SPEG: variants seen among roughly 807,000 people sequenced by gnomAD.
The protein encoded by SPEG is striated muscle preferentially expressed protein kinase.
In SPEG, 114 loss-of-function variants were observed where a neutral mutation model predicts 300.4. The ratio of observed to expected loss-of-function variants is 0.38; its 90% confidence interval spans 0.33 to 0.44. The LOEUF is 0.44. Among genes scored for constraint, SPEG ranks in the 20% least tolerant of loss-of-function variants. The pLI, the probability that SPEG is intolerant of heterozygous loss-of-function variation, is 1.00. For synonymous variants in SPEG, 1,964 were observed against 2,018.9 expected (o/e 0.97, Z 0.73); for missense variants, 4,201 against 4,586.2 (o/e 0.92, Z 2.43).
intron 4 of SPEG, among the ~76,000 whole-genome samples, chr2:219,450,239 C>T (rs1311939770): frequency 1.3e-5 from 2 of 152,228 alleles, no homozygotes; most frequent in African/African-American, 4.8e-5. Flanking sequence ...ATTGTGTTAA[C>T]TAGGCCCTTA....
rs772126870 is a variant in SPEG, at chr2:219,468,527, G to C, written c.3143-51G>C. On this transcript the variant is annotated intron_variant, in intron 10 of 40. Transcript: ENST00000312358. ...TAGGTCAGGAGTGGTGGGTTGGGAT[G>C]CCTGGGCCTCCTTAGCCTTCCCTAT... 2.5e-6 allele frequency: 4 copies of C among 1,585,612 alleles called. No homozygotes were observed. The Admixed American group carries it at 6.8e-5, about 27-fold the overall frequency.
Position 219,484,391 on chromosome 2 carries a change from C to T in SPEG, c.6928C>T (p.Pro2310Ser). ...GGTGCTAGCCGAGAAAGCCCGAGTTCCCACGGTGCCCCCCAGGCCAGGCAG... is the reference window on the plus strand; with the variant it reads ...GGTGCTAGCCGAGAAAGCCCGAGTTTCCACGGTGCCCCCCAGGCCAGGCAG... ...PPVLAEKARV[P>S]TVPPRPGSSL... Residue 2310 changes from proline (P) to serine (S), a missense_variant, in exon 30 of 41, where the codon CCC (proline) becomes TCC (serine). Around this residue, in one of 4 missense-constraint regions of SPEG, gnomAD observed 1,578 missense variants for 1,506.0 expected, o/e 1.05. Transcript: ENST00000312358. 6.2e-7 allele frequency: 1 copy of T among 1,609,938 alleles called. No individual in the cohort carries two copies. Among genetic ancestry groups the T allele is most frequent in the Non-Finnish European group, 8.5e-7 (1 of 1,179,730 alleles).
chr2:219,457,549 T>C (rs1166799981), intron 6 of SPEG, among the ~76,000 whole-genome samples: 1 of 152,208 alleles, frequency 6.6e-6, no homozygotes, highest in Non-Finnish European at 1.5e-5. Context: ...ACACCAGTGC[T>C]TTCCAGCCTG....
rs769946258 is a variant in SPEG, at chr2:219,489,510, C to T, written c.8492C>T (p.Ala2831Val). ...PSSPPTPPSQ[A>V]LSSLKAVGPP... ...TCTCCCCCCACACCTCCTAGCCAGGCCTTGTCCTCGCTCAAGGCTGTGGGT... is the reference window on the plus strand; with the variant it reads ...TCTCCCCCCACACCTCCTAGCCAGGTCTTGTCCTCGCTCAAGGCTGTGGGT... Residue 2831 changes from alanine to valine, a missense_variant, in exon 36 of 41, where the codon GCC becomes GTC. Transcript: ENST00000312358. 1.9e-6 allele frequency: 3 copies of T among 1,612,342 alleles called. No individual in the cohort carries two copies. In the South Asian group the frequency reaches 3.3e-5, roughly 18 times the overall value.
In SPEG at chr2:219,477,227, AG is replaced by A; in HGVS notation, c.4561-48del. The A allele has an allele frequency of 1.8e-6, 1 of 559,564 alleles. No homozygotes were observed. 34.7% of individuals were successfully genotyped at this position (559,564 alleles called of 1,614,324 possible). A position where few individuals can be genotyped will look rare whatever the true frequency, so the allele number is the denominator to read the frequency against. On this transcript the variant is annotated intron_variant, in intron 19 of 40. Coordinates refer to ENST00000312358, the MANE Select transcript of SPEG (RefSeq NM_005876.5). The surrounding 1 kb of genome is among the most constrained non-coding windows in gnomAD (Gnocchi z 6.4). Reference sequence around the variant, plus strand: ...AGTAGGAGATGAGGCCCTGGCCCCAAGGTAGAGATGAGGCCAGGCCCAGGCT... The same window carrying A: ...AGTAGGAGATGAGGCCCTGGCCCCAAGTAGAGATGAGGCCAGGCCCAGGCT...
Position 219,480,069 on chromosome 2 carries a change from G to T in SPEG, c.5271G>T (p.Gln1757His). Residue 1757 changes from glutamine to histidine, a missense_variant, in exon 25 of 41, where the codon CAG becomes CAT. Transcript: ENST00000312358. The surrounding 1 kb of genome is among the most constrained non-coding windows in gnomAD (Gnocchi z 5.3). ...ELTPGEPQYC[Q>H]YGTPEFVAPE... ...CTCCAGGAGAGCCCCAGTACTGCCA[G>T]TATGGCACACCTGAGTTTGTAGCAC... 3 of 1,614,032 alleles carry T rather than the reference G, an allele frequency of 1.9e-6. No homozygotes were observed. The highest frequency in any genetic ancestry group is 2.5e-6 in the Non-Finnish European group (3 of 1,180,008).
Position 219,483,612 on chromosome 2 carries a change from C to T in SPEG, c.6149C>T (p.Ala2050Val), listed in dbSNP as rs755834473. The change falls in exon 30 of 41, where the codon GCC becomes GTC. Residue 2050 changes from alanine to valine, a missense_variant. Physicochemically the swap from Ala to Val is moderately conservative, Grantham distance 64. Coordinates refer to ENST00000312358, the MANE Select transcript of SPEG (RefSeq NM_005876.5). ...CAGCGCCGGAGCCCCAGCCCGGGAG[C>T]CACCCGCCTGGCCCGGGGAGGCCTG... ...LPQRRSPSPG[A>V]TRLARGGLGE... 1.0e-5 allele frequency: 15 copies of T among 1,504,212 alleles called. No homozygotes were observed. The highest frequency in any genetic ancestry group is 1.3e-5 in the Non-Finnish European group (15 of 1,135,052). 93.2% of individuals were successfully genotyped at this position (1,504,212 alleles called of 1,614,324 possible).
intron 13 of SPEG, among the ~76,000 whole-genome samples, chr2:219,470,308 T>C (rs1452377170): frequency 1.5e-5 from 2 of 136,714 alleles, no homozygotes; most frequent in African/African-American, 7.2e-5. Context: ...GGTGCCCAGC[T>C]CTTAACCAGG....
At chr2:219,465,994 C>T (rs1056929809) in intron 9 of SPEG, 91 of 1,412,116 alleles carry the variant, frequency 6.4e-5, no homozygotes, top group Non-Finnish European at 8.0e-5. Context: ...TGTGTGTGCG[C>T]GTGCGTGCGC....
At chr2:219,442,980 C>G (rs1689036862) in intron 1 of SPEG, 2 of 758,410 alleles carry the variant, frequency 2.6e-6, no homozygotes, top group African/African-American at 1.7e-5. Flanking sequence ...CTCTGCCCAC[C>G]TCCCCTCTCA....
At chr2:219,442,104 C>A in intron 1 of SPEG, 1 of 1,188,206 alleles carries the variant, frequency 8.4e-7, no homozygotes, top group Non-Finnish European at 1.1e-6. Flanking sequence ...CGGGGGCGGG[C>A]GGCGCCGGGA....
In SPEG at chr2:219,449,069, C is replaced by T; in HGVS notation, c.1911C>T (p.Ala637=). Residue 637 remains alanine (A), a synonymous_variant, in exon 4 of 41, where the codon GCC becomes GCT. Coordinates refer to ENST00000312358, the MANE Select transcript of SPEG (RefSeq NM_005876.5). ...GGAAGCGGGAGCCCCCGGCGCAGGC[C>T]GTGCGCTTCCTGCCCTGGGCCACGC... The part of the protein sequence containing the change: ...PGRKREPPAQ[A]VRFLPWATPG... 6.6e-7 allele frequency: 1 copy of T among 1,517,630 alleles called. No individual in the cohort carries two copies. Among genetic ancestry groups the T allele is most frequent in the Non-Finnish European group, 8.8e-7 (1 of 1,132,488 alleles). The allele number at this position is 1,517,630 out of a possible 1,614,324, so 94.0% of individuals were successfully genotyped here. A position where few individuals can be genotyped will look rare whatever the true frequency, so the allele number is the denominator to read the frequency against.
At position 219,448,949 on chromosome 2, in the gene SPEG, G is replaced by A. The variant is rs1393345990; in HGVS notation, c.1791G>A (p.Pro597=). 1.7e-5 allele frequency: 25 copies of A among 1,503,460 alleles called. 1 individual carries two copies. The South Asian group carries it at 2.8e-4, about 17-fold the overall frequency. The allele number at this position is 1,503,460 out of a possible 1,614,324, so 93.1% of individuals were successfully genotyped here. The change falls in exon 4 of 41, where the codon CCG becomes CCA. Residue 597 remains proline (P), a synonymous_variant. Coordinates refer to ENST00000312358, the MANE Select transcript of SPEG (RefSeq NM_005876.5). The part of the protein sequence containing the change: ...QQEVRRRDQF[P]LTRSRAIQEC... ...AGGTTAGGCGTCGGGACCAATTCCC[G>A]CTGACCCGGAGCAGAGCCATCCAGG...
chr2:219,449,766 G>T (rs1475880400), intron 4 of SPEG, among the ~76,000 whole-genome samples: 1 of 152,102 alleles, frequency 6.6e-6, no homozygotes, highest in Non-Finnish European at 1.5e-5. Flanking sequence ...CTCCCACCCG[G>T]GCACCATCCC....
At position 219,467,176 on chromosome 2, in the gene SPEG, C is replaced by T; in HGVS notation, c.2884C>T (p.His962Tyr). Residue 962 changes from histidine to tyrosine, a missense_variant and splice_region_variant, in exon 10 of 41, where the codon CAC becomes TAC. This residue lies in a region of SPEG where 1,047 missense variants were observed against 1,356.8 expected (regional missense o/e 0.77). Transcript: ENST00000312358. ...CCCCGTGGCTGCTTTCCCCTCAGCA[C>T]ACCCTGAAAGCCGGTCCCTGGCCGT... Reference protein sequence around the residue: ...QCEARLEVRAHPESRSLAVLA... With the variant: ...QCEARLEVRAYPESRSLAVLA... The T allele has an allele frequency of 3.2e-6, 5 of 1,573,140 alleles. No homozygotes were observed. Among genetic ancestry groups the T allele is most frequent in the Non-Finnish European group, 4.3e-6 (5 of 1,160,992 alleles).
chr2:219,448,779 AC>A lies in SPEG; in HGVS notation c.1626del (p.Lys543ArgfsTer6). 7.1e-7 allele frequency: 1 copy of A among 1,417,820 alleles called. No homozygotes were observed. The highest frequency in any genetic ancestry group is 1.5e-5 in the African/African-American group (1 of 65,998). 87.8% of individuals were successfully genotyped at this position (1,417,820 alleles called of 1,614,324 possible). ...GCCCCCGCTCTTCTCTCGGCCCTCC[AC>A]CCCCAAGACATCGCGGGCCGTGAGC... The part of the protein sequence containing the change: ...GEPPLFSRPS[T>X]PKTSRAVSPA... On this transcript the variant is annotated frameshift_variant, in exon 4 of 41. Coordinates refer to ENST00000312358, the MANE Select transcript of SPEG (RefSeq NM_005876.5). LOFTEE classifies it high-confidence loss of function.
intron 9 of SPEG, chr2:219,465,439 C>T: frequency 6.4e-6 from 1 of 155,858 alleles, no homozygotes; most frequent in Non-Finnish European, 1.4e-5. Flanking sequence ...CTCCTCTGTG[C>T]CTGCCGTTCC....
Position 219,444,997 on chromosome 2 carries a change from A to G in SPEG, c.651A>G (p.Ala217=). The G allele has an allele frequency of 6.2e-7, 1 of 1,611,182 alleles. No individual in the cohort carries two copies. The highest frequency in any genetic ancestry group is 8.5e-7 in the Non-Finnish European group (1 of 1,179,002). ...CGGGCAGCCCAAGGCAAGCACAGGC[A>G]ACCGGGGCCGGGCCACGGCACCTGG... ...RLPGSPRQAQ[A]TGAGPRHLGV... The change falls in exon 3 of 41, where the codon GCA becomes GCG. Residue 217 remains alanine (A), a synonymous_variant. Coordinates refer to ENST00000312358, the MANE Select transcript of SPEG (RefSeq NM_005876.5). The surrounding 1 kb of genome is among the most constrained non-coding windows in gnomAD (Gnocchi z 7.8).
At position 219,479,845 on chromosome 2, in the gene SPEG, G is replaced by A. The variant is rs771611757; in HGVS notation, c.5148G>A (p.Leu1716=). The A allele has an allele frequency of 5.0e-6, 8 of 1,613,980 alleles. No homozygotes were observed. The South Asian group carries it at 8.8e-5, about 18-fold the overall frequency. ...ACTACCTGCACCAGAGCCACGTGCT[G>A]CACCTCGATGTCAAGGTGAGGTGGG... ...GIHYLHQSHV[L]HLDVKPENLL... is the part of the protein sequence containing the mutation. The change falls in exon 24 of 41, where the codon CTG becomes CTA. Residue 1716 remains leucine (L), a synonymous_variant. Transcript: ENST00000312358. This position sits in a 1 kb window ranked among gnomAD's most constrained non-coding sequence, Gnocchi z 5.5.
Sources: allele counts gnomAD v4.1 joint callset (sites outside exome capture counted in the v4.1 genomes callset), GRCh38; gene constraint gnomAD v4.1.1; regional missense constraint gnomAD v4.1.1; non-coding constraint Gnocchi (gnomAD v3.1); transcripts MANE v1.5; gene names NCBI Gene and HGNC (gene_info 2026-07-23, HGNC 2026-07-21).